Variants in MET observed in about 807,000 individuals in gnomAD.
MET encodes the protein MET proto-oncogene, receptor tyrosine kinase, also known as hepatocyte growth factor receptor.
In MET, 48 loss-of-function variants were observed where a neutral mutation model predicts 133.1. The observed-to-expected ratio is 0.36, with a 90% CI of 0.29 to 0.46. MET has a LOEUF of 0.46. Among genes scored for constraint, MET ranks in the 20% least tolerant of loss-of-function variants. MET has a pLI of 1.00. For synonymous variants in MET, 628 were observed against 616.5 expected, an observed-to-expected ratio of 1.02 and a Z score of -0.28; for missense variants, 1,442 against 1,695.9, an observed-to-expected ratio of 0.85 and a Z score of 2.63.
chr7:116,692,182 C>T (rs1337089814), intron 1 of MET, among the ~76,000 whole-genome samples: 1 of 152,058 alleles, frequency 6.6e-6, no homozygotes, highest in East Asian at 1.9e-4. Context: ...CTCTTTGAAC[C>T]TCAGTTTTGT....
At chr7:116,700,987 T>C (rs1416163597) in intron 2 of MET, among the ~76,000 whole-genome samples, 1 of 152,226 alleles carries the variant, frequency 6.6e-6, no homozygotes, top group African/African-American at 2.4e-5. Flanking sequence ...AAGTTCTAGC[T>C]TGGCACTTTA....
At chr7:116,704,993 C>A (rs924608376) in intron 2 of MET, among the ~76,000 whole-genome samples, 1 of 151,974 alleles carries the variant, frequency 6.6e-6, no homozygotes, top group Non-Finnish European at 1.5e-5. Context: ...TTTCCATCTC[C>A]GTTTCACAGA....
intron 3 of MET, among the ~76,000 whole-genome samples, chr7:116,734,875 G>T (rs1259220607): frequency 2.0e-5 from 3 of 152,154 alleles, no homozygotes; most frequent in Admixed American, 2.0e-4. Context: ...TAATCACAGG[G>T]ATTGTCCACG....
chr7:116,778,920 A>G lies in MET; in HGVS notation c.3485A>G (p.His1162Arg). 6.2e-7 allele frequency: 1 copy of G among 1,614,002 alleles called. No homozygotes were observed. Among genetic ancestry groups the G allele is most frequent in the Non-Finnish European group, 8.5e-7 (1 of 1,179,954 alleles). The change falls in exon 17 of 21, where the codon CAT (histidine) becomes CGT (arginine). Residue 1162 changes from histidine to arginine, a missense_variant. By Grantham distance (29) the His-to-Arg change is conservative. This residue lies in a region of MET where 514 missense variants were observed against 659.6 expected (regional missense o/e 0.78). Coordinates refer to ENST00000397752, the MANE Select transcript of MET (RefSeq NM_000245.4). Reference protein sequence around the residue: ...SPLVVLPYMKHGDLRNFIRNE... With the variant: ...SPLVVLPYMKRGDLRNFIRNE... ...CTGGTGGTCCTACCATACATGAAACATGGAGATCTTCGAAATTTCATTCGA... is the reference window on the plus strand; with the variant it reads ...CTGGTGGTCCTACCATACATGAAACGTGGAGATCTTCGAAATTTCATTCGA...
At chr7:116,758,330 A>G (rs1794267250) in intron 8 of MET, 129 bp from the exon 9 acceptor site, 1 of 908,922 alleles carries the variant, frequency 1.1e-6, no homozygotes, top group Admixed American at 2.0e-5. Flanking sequence ...CCTACACTAG[A>G]AAAGGCTTCC....
rs772860611 is a variant in MET at position 116,796,025 on chromosome 7, C to A, written c.4074C>A (p.Asn1358Lys). Residue 1358 changes from asparagine to lysine, a missense_variant, in exon 21 of 21, where the codon AAC (asparagine) becomes AAA (lysine). Physicochemically the swap from Asn to Lys is moderately conservative, Grantham distance 94. Transcript: ENST00000397752. ...TCCATGTGAACGCTACTTATGTGAA[C>A]GTAAAATGTGTCGCTCCGTATCCTT... is the stretch of plus-strand genomic sequence containing the variant. ...HYVHVNATYV[N>K]VKCVAPYPSL... 6.2e-7 allele frequency: 1 copy of A among 1,613,974 alleles called. No individual in the cohort carries two copies.
chr7:116,739,828 G>A, intron 3 of MET, 122 bp from the exon 4 acceptor site: 1 of 1,346,570 alleles, frequency 7.4e-7, no homozygotes, highest in South Asian at 1.2e-5. Flanking sequence ...GAACTGTTGG[G>A]TCTTCAGTTC....
chr7:116,736,361 A>G (rs536685764), intron 3 of MET, among the ~76,000 whole-genome samples: 2 of 152,226 alleles, frequency 1.3e-5, no homozygotes, highest in Non-Finnish European at 2.9e-5. Context: ...CTCAAAAAAA[A>G]AAAAAATTAA....
chr7:116,721,826 T>G (rs1792498054), intron 2 of MET, among the ~76,000 whole-genome samples: 1 of 152,236 alleles, frequency 6.6e-6, no homozygotes, highest in Admixed American at 6.5e-5. Context: ...GAGTTCTAGT[T>G]TGATTGTGCT....
At chr7:116,710,721 A>T (rs1791964743) in intron 2 of MET, among the ~76,000 whole-genome samples, 1 of 152,070 alleles carries the variant, frequency 6.6e-6, no homozygotes, top group African/African-American at 2.4e-5. Context: ...AAACCCTCCA[A>T]ATTATTGTGA....
At chr7:116,751,954 G>A (rs529501961) in intron 5 of MET, among the ~76,000 whole-genome samples, 96 of 152,172 alleles carry the variant, frequency 6.3e-4, no homozygotes, top group South Asian at 1.9e-3. Context: ...CCAGCTACTC[G>A]GGAGGCTGAG....
rs2116584241 is a variant in MET, at chr7:116,699,345, G to A, written c.261G>A (p.Gly87=). The change falls in exon 2 of 21, where the codon GGG becomes GGA. Residue 87 remains glycine, a synonymous_variant. Coordinates refer to ENST00000397752, the MANE Select transcript of MET (RefSeq NM_000245.4). ...AGAAGGTTGCTGAGTACAAGACTGG[G>A]CCTGTGCTGGAACACCCAGATTGTT... is the stretch of plus-strand genomic sequence containing the variant. ...DLQKVAEYKT[G]PVLEHPDCFP... 1.2e-6 allele frequency: 2 copies of A among 1,613,998 alleles called. No homozygotes were observed. The highest frequency in any genetic ancestry group is 1.7e-6 in the Non-Finnish European group (2 of 1,179,942).
Position 116,700,257 on chromosome 7 carries a change from A to G in MET, c.1173A>G (p.Gly391=), listed in dbSNP as rs753309112. The change falls in exon 2 of 21, where the codon GGA becomes GGG. Residue 391 remains glycine, a synonymous_variant. Coordinates refer to ENST00000397752, the MANE Select transcript of MET (RefSeq NM_000245.4). ...NNVRCLQHFY[G]PNHEHCFNRT... is the part of the protein sequence containing the mutation. ...TGAGATGTCTCCAGCATTTTTACGGACCCAATCATGAGCACTGCTTTAATA... is the reference window on the plus strand; with the variant it reads ...TGAGATGTCTCCAGCATTTTTACGGGCCCAATCATGAGCACTGCTTTAATA... 1.2e-6 allele frequency: 2 copies of G among 1,603,646 alleles called. No homozygotes were observed. The highest frequency in any genetic ancestry group is 2.2e-5 in the East Asian group (1 of 44,854).
At chr7:116,770,399 C>A (rs1206650139) in intron 12 of MET, among the ~76,000 whole-genome samples, 6 of 152,224 alleles carry the variant, frequency 3.9e-5, no homozygotes, top group African/African-American at 1.2e-4. Flanking sequence ...TTGTCAATTT[C>A]TTTGAATTGA....
chr7:116,779,628 A>G (rs1795095491), intron 17 of MET, among the ~76,000 whole-genome samples: 1 of 152,070 alleles, frequency 6.6e-6, no homozygotes, highest in South Asian at 2.1e-4. Context: ...GCTGCCCAAT[A>G]CTATGGCCAT....
At chr7:116,706,312 A>T (rs772060041) in intron 2 of MET, among the ~76,000 whole-genome samples, 1 of 152,140 alleles carries the variant, frequency 6.6e-6, no homozygotes, top group Non-Finnish European at 1.5e-5. Flanking sequence ...TGATTTCTAC[A>T]CGGAGATTCA....
At chr7:116,750,512 C>T (rs1209958299) in intron 5 of MET, among the ~76,000 whole-genome samples, 1 of 152,204 alleles carries the variant, frequency 6.6e-6, no homozygotes, top group African/African-American at 2.4e-5. Context: ...CCATTCAGGA[C>T]ATATGCATGG....
chr7:116,795,259 T>G (rs1455055677), intron 19 of MET, among the ~76,000 whole-genome samples: 1 of 152,194 alleles, frequency 6.6e-6, no homozygotes. Context: ...CCACACAAAT[T>G]TAAATTTTGG....
intron 5 of MET, among the ~76,000 whole-genome samples, chr7:116,749,384 A>G (rs1247449885): frequency 1.3e-5 from 2 of 152,208 alleles, no homozygotes; most frequent in African/African-American, 2.4e-5. Context: ...TAGATGCAGA[A>G]AAGGCCTTCG....
Sources: allele counts gnomAD v4.1 joint callset (sites outside exome capture counted in the v4.1 genomes callset), GRCh38; gene constraint gnomAD v4.1.1; regional missense constraint gnomAD v4.1.1; transcripts MANE v1.5; gene names NCBI Gene and HGNC (gene_info 2026-07-23, HGNC 2026-07-21).